PICK1: variants seen among roughly 807,000 people sequenced by gnomAD.
PICK1 encodes the protein protein interacting with PRKCA 1, also known as PRKCA-binding protein.
PICK1 carries 23 observed loss-of-function variants against 48.9 expected under a neutral mutation model. The observed-to-expected ratio is 0.47, with a 90% CI of 0.34 to 0.67. PICK1 has a LOEUF of 0.67. Among genes scored for constraint, PICK1 ranks in the 30% least tolerant of loss-of-function variants. The pLI, the probability that PICK1 is intolerant of heterozygous loss-of-function variation, is 0.01. For missense variants in PICK1, 423 were observed against 557.1 expected (o/e 0.76, Z 2.42); for synonymous variants, 217 against 228.2 (o/e 0.95, Z 0.44).
intron 3 of PICK1, among the ~76,000 whole-genome samples, chr22:38,064,709 G>A (rs746315573): frequency 2.2e-4 from 33 of 152,156 alleles, no homozygotes; most frequent in Non-Finnish European, 4.3e-4. Flanking sequence ...TGCGGTGAGC[G>A]AGATGGCGCT....
At position 38,074,783 on chromosome 22, in the gene PICK1, G is replaced by A; in HGVS notation, c.980-81G>A. The A allele has an allele frequency of 1.3e-6, 2 of 1,555,568 alleles. No individual in the cohort carries two copies. The highest frequency in any genetic ancestry group is 1.7e-6 in the Non-Finnish European group (2 of 1,145,186). On this transcript the variant is annotated intron_variant, in intron 12 of 12. Transcript: ENST00000356976. The surrounding 1 kb of genome is among the most constrained non-coding windows in gnomAD (Gnocchi z 4.5). ...GAAGCCCAGGGGAGGCGAGAGGTGGGCCGGGTGGGCTGGGAGAGTCTCCTC... is the reference window on the plus strand; with the variant it reads ...GAAGCCCAGGGGAGGCGAGAGGTGGACCGGGTGGGCTGGGAGAGTCTCCTC...
chr22:38,065,073 C>G lies in PICK1; in HGVS notation c.225C>G (p.Gly75=). ...AAGDEITGVN[G]RSIKGKTKVE... Reference sequence around the variant, plus strand: ...GCGATGAGATCACCGGTGTCAATGGCAGGTCAATCAAAGGGAAAACTAAGG... The same window carrying G: ...GCGATGAGATCACCGGTGTCAATGGGAGGTCAATCAAAGGGAAAACTAAGG... Residue 75 remains glycine, a synonymous_variant, in exon 4 of 13, where the codon GGC becomes GGG. Coordinates refer to ENST00000356976, the MANE Select transcript of PICK1 (RefSeq NM_012407.4). 6.2e-7 allele frequency: 1 copy of G among 1,614,066 alleles called. No individual in the cohort carries two copies. Among genetic ancestry groups the G allele is most frequent in the East Asian group, 2.2e-5 (1 of 44,874 alleles).
At chr22:38,072,278 G>A (rs2085716341) in intron 8 of PICK1, among the ~76,000 whole-genome samples, 199 bp from the exon 9 acceptor site, 1 of 152,194 alleles carries the variant, frequency 6.6e-6, no homozygotes, top group African/African-American at 2.4e-5. Flanking sequence ...ACCAGCTCTT[G>A]GAGGTGTCAA....
chr22:38,074,493 G>A lies in PICK1; in HGVS notation c.979+42G>A. The A allele has an allele frequency of 6.2e-7, 1 of 1,610,124 alleles. No individual in the cohort carries two copies. ...TCCCCGTCCGCTCTCCATTTCAGAG[G>A]TGGGAAAACTGAGGCCCAGAGGGGT... On this transcript the variant is annotated intron_variant, in intron 12 of 12. Transcript: ENST00000356976. The surrounding 1 kb of genome is among the most constrained non-coding windows in gnomAD (Gnocchi z 4.5).
intron 6 of PICK1, among the ~76,000 whole-genome samples, chr22:38,070,627 G>A (rs904931456): frequency 3.9e-5 from 6 of 152,086 alleles, no homozygotes; most frequent in Non-Finnish European, 7.3e-5. Flanking sequence ...TGCTAGGCAC[G>A]GACCCTCCGC....
At position 38,070,491 on chromosome 22, in the gene PICK1, G is replaced by A. The variant is rs529192762; in HGVS notation, c.440-347G>A. ...TCCCTTCTGAGCCATCTGTGTGCTT[G>A]GGAGGCAGAGACCATGTCCTTCCTG... is the stretch of plus-strand genomic sequence containing the variant. On this transcript the variant is annotated intron_variant, in intron 6 of 12. Transcript: ENST00000356976. Among the ~76,000 whole-genome samples the A allele has an allele frequency of 3.9e-5, 6 of 152,308 alleles. No individual in the cohort carries two copies. The East Asian group carries it at 1.2e-3, about 29-fold the overall frequency.
rs998261040 is a variant in PICK1, at chr22:38,057,671, G to GA, written c.-57-81dup. On this transcript the variant is annotated intron_variant, in intron 1 of 12. Coordinates refer to ENST00000356976, the MANE Select transcript of PICK1 (RefSeq NM_012407.4). ...AGAGGAGGGCACTGCTGTCCCGTAT[G>GA]AGGTGGTGGAGGGAGGGGTGGCGTT... 9 of 570,000 alleles carry GA rather than the reference G, an allele frequency of 1.6e-5. No homozygotes were observed. The East Asian group carries it at 1.8e-4, about 12-fold the overall frequency. 35.3% of individuals were successfully genotyped at this position (570,000 alleles called of 1,614,324 possible). A position where few individuals can be genotyped will look rare whatever the true frequency, so the allele number is the denominator to read the frequency against.
rs763633734 is a variant in PICK1, at chr22:38,073,832, T to C, written c.834+9T>C. 3.1e-6 allele frequency: 5 copies of C among 1,606,804 alleles called. No homozygotes were observed. The highest frequency in any genetic ancestry group is 1.7e-5 in the Admixed American group (1 of 59,640). ...AGGAATACAGCTGCATTGTGAGTGT[T>C]GGAGGGGGTGGGGGGCTTGTACTTC... On this transcript the variant is annotated intron_variant, in intron 11 of 12. Transcript: ENST00000356976. The surrounding 1 kb of genome is among the most constrained non-coding windows in gnomAD (Gnocchi z 5.7).
At chr22:38,068,394 C>T (rs967320603) in intron 5 of PICK1, among the ~76,000 whole-genome samples, 1 of 152,206 alleles carries the variant, frequency 6.6e-6, no homozygotes, top group Non-Finnish European at 1.5e-5. Flanking sequence ...CCAGAGAGGG[C>T]GCTGCAGCCC....
chr22:38,070,104 C>T lies in PICK1; in HGVS notation c.440-734C>T, dbSNP rs187811690. Among the ~76,000 whole-genome samples the T allele has an allele frequency of 4.6e-5, 7 of 152,312 alleles. No homozygotes were observed. The East Asian group carries it at 5.8e-4, about 13-fold the overall frequency. On this transcript the variant is annotated intron_variant, in intron 6 of 12. Coordinates refer to ENST00000356976, the MANE Select transcript of PICK1 (RefSeq NM_012407.4). Reference sequence around the variant, plus strand: ...CTCCCTTCCTTCCCCGACAGCCTGTCGCACTGCCACCTCCCTGCCCAGAGA... The same window carrying T: ...CTCCCTTCCTTCCCCGACAGCCTGTTGCACTGCCACCTCCCTGCCCAGAGA...
rs373308734 is a variant in PICK1, at chr22:38,064,986, C to A, written c.154-16C>A. The A allele has an allele frequency of 2.7e-5, 43 of 1,613,706 alleles. No homozygotes were observed. Among genetic ancestry groups the A allele is most frequent in the Non-Finnish European group, 3.6e-5 (42 of 1,179,888 alleles). ...CCTCCCTTTCTTCCCCCACCACTCT[C>A]CTTATGCACCCACAGGTATTTGACA... On this transcript the variant is annotated splice_polypyrimidine_tract_variant and intron_variant, in intron 3 of 12. Transcript: ENST00000356976.
At chr22:38,061,377 T>G (rs916983027) in intron 3 of PICK1, among the ~76,000 whole-genome samples, 1 of 152,034 alleles carries the variant, frequency 6.6e-6, no homozygotes, top group Non-Finnish European at 1.5e-5. Flanking sequence ...TAGAATTGAT[T>G]TTTTTAAATT....
At chr22:38,063,925 T>G (rs2085465484) in intron 3 of PICK1, among the ~76,000 whole-genome samples, 1 of 152,212 alleles carries the variant, frequency 6.6e-6, no homozygotes. Flanking sequence ...TTTTGTTACT[T>G]GGATCTTAGG....
Position 38,075,293 on chromosome 22 carries a change from C to A in PICK1, c.*161C>A. 1 of 680,716 alleles carries A rather than the reference C, an allele frequency of 1.5e-6. No individual in the cohort carries two copies. The highest frequency in any genetic ancestry group is 2.4e-6 in the Non-Finnish European group (1 of 411,656). 42.2% of individuals were successfully genotyped at this position (680,716 alleles called of 1,614,324 possible). A position where few individuals can be genotyped will look rare whatever the true frequency, so the allele number is the denominator to read the frequency against. ...TCGCACAGCGAACCTGGGCTCCTGC[C>A]CAGGACAGGCACCAGGGTCATGGCC... On this transcript the variant is annotated 3_prime_UTR_variant, in exon 13 of 13. Transcript: ENST00000356976.
At chr22:38,058,947 C>T (rs2085335579) in intron 2 of PICK1, among the ~76,000 whole-genome samples, 1 of 152,154 alleles carries the variant, frequency 6.6e-6, no homozygotes. Flanking sequence ...GCGGAGGTTG[C>T]AGTGAGCCGA....
At chr22:38,068,745 G>A (rs536332944) in intron 5 of PICK1, among the ~76,000 whole-genome samples, 1 of 152,324 alleles carries the variant, frequency 6.6e-6, no homozygotes, top group South Asian at 2.1e-4. Context: ...ATTAGCCTGT[G>A]CTGAGCCCGG....
intron 7 of PICK1, 109 bp from the exon 8 acceptor site, chr22:38,071,573 C>A: frequency 1.0e-6 from 1 of 970,246 alleles, no homozygotes; most frequent in Non-Finnish European, 1.7e-6. Context: ...GGCCATGTAT[C>A]AGGGCCTAGC....
rs1445971395 is a variant in PICK1, at chr22:38,075,229, C to T, written c.*97C>T. Reference sequence around the variant, plus strand: ...GCGCAAGGGGGCGACGCATAAAGGCCTGCTGGCTTGGGGCGCCTGCCTCCC... The same window carrying T: ...GCGCAAGGGGGCGACGCATAAAGGCTTGCTGGCTTGGGGCGCCTGCCTCCC... On this transcript the variant is annotated 3_prime_UTR_variant, in exon 13 of 13. Coordinates refer to ENST00000356976, the MANE Select transcript of PICK1 (RefSeq NM_012407.4). The T allele has an allele frequency of 3.1e-6, 4 of 1,270,892 alleles. No homozygotes were observed. The South Asian group carries it at 5.9e-5, about 19-fold the overall frequency. The allele number at this position is 1,270,892 out of a possible 1,614,324, so 78.7% of individuals were successfully genotyped here. A position where few individuals can be genotyped will look rare whatever the true frequency, so the allele number is the denominator to read the frequency against.
At chr22:38,070,798 C>T (rs200473345) in intron 6 of PICK1, 40 bp from the exon 7 acceptor site, 2 of 1,596,252 alleles carry the variant, frequency 1.3e-6, no homozygotes, top group East Asian at 4.5e-5. Flanking sequence ...CTGTGGCTTG[C>T]TGAGCCCACT....
Sources: gnomAD v4.1 joint callset for allele counts (sites outside exome capture counted in the v4.1 genomes callset) on GRCh38, gnomAD v4.1.1 for gene constraint, Gnocchi (gnomAD v3.1) non-coding constraint, MANE v1.5 for transcripts, NCBI Gene and HGNC (gene_info 2026-07-23, HGNC 2026-07-21) for gene names.